Variants in OSBPL5 observed in about 807,000 individuals in gnomAD.
OSBPL5 encodes the protein oxysterol binding protein like 5.
OSBPL5 carries 71 observed loss-of-function variants against 111.2 expected under a neutral mutation model. That is an observed-to-expected ratio of 0.64 (90% CI 0.53 to 0.78). The LOEUF is 0.78. OSBPL5 is among the 30% of genes least tolerant of loss of function. The pLI is 0.00. For missense variants in OSBPL5, 1,210 were observed against 1,189.3 expected (o/e 1.02, Z -0.26); for synonymous variants, 549 against 513.9 (o/e 1.07, Z -0.93).
In OSBPL5 at chr11:3,107,446, C is replaced by T. The variant is rs370245460; in HGVS notation, c.876G>A (p.Gly292=). The stretch of plus-strand genomic sequence containing the variant: ...AGAATGCATCGTTCTCCAGGGAAGA[C>T]CCGTTCAGTCTGGAAGGTGGATGGT... The part of the protein sequence containing the change: ...HPDQDLFPLN[G]SSLENDAFSD... Residue 292 remains glycine, a synonymous_variant, in exon 9 of 22, where the codon GGG becomes GGA. Coordinates refer to ENST00000263650, the MANE Select transcript of OSBPL5 (RefSeq NM_020896.4). This position sits in a 1 kb window ranked among gnomAD's most constrained non-coding sequence, Gnocchi z 6.1. The T allele has an allele frequency of 6.2e-7, 1 of 1,613,890 alleles. No homozygotes were observed. The highest frequency in any genetic ancestry group is 1.3e-5 in the African/African-American group (1 of 74,926).
rs61736126 is a variant in OSBPL5, at chr11:3,101,685, C to A, written c.1440G>T (p.Pro480=). 1 of 1,613,626 alleles carries A rather than the reference C, an allele frequency of 6.2e-7. No individual in the cohort carries two copies. The highest frequency in any genetic ancestry group is 8.5e-7 in the Non-Finnish European group (1 of 1,179,920). ...TGCTGACGTGGAAGGCAGACACGGG[C>A]GGGTGGTGGGACACCTGCGTGCAGG... ...FYIAEQVSHH[P]PVSAFHVSNR... Residue 480 remains proline, a synonymous_variant, in exon 13 of 22, where the codon CCG becomes CCT. Transcript: ENST00000263650.
chr11:3,090,058 C>T (rs1857005773), intron 20 of OSBPL5, 110 bp from the exon 21 acceptor site: 2 of 749,976 alleles, frequency 2.7e-6, no homozygotes, highest in Non-Finnish European at 2.1e-6. Context: ...CTCGGGCCTC[C>T]ACCCCACCTC....
chr11:3,121,970 G>A lies in OSBPL5; in HGVS notation c.402+27C>T. The A allele has an allele frequency of 6.5e-7, 1 of 1,538,038 alleles. No homozygotes were observed. Among genetic ancestry groups the A allele is most frequent in the Non-Finnish European group, 8.7e-7 (1 of 1,144,234 alleles). On this transcript the variant is annotated intron_variant, in intron 5 of 21. Coordinates refer to ENST00000263650, the MANE Select transcript of OSBPL5 (RefSeq NM_020896.4). This position sits in a 1 kb window ranked among gnomAD's most constrained non-coding sequence, Gnocchi z 4.3. ...CAGCAGCACGCTGACCCGTGTCCTG[G>A]GTGGCCGGAGGCCGGGCATCACCTA...
intron 7 of OSBPL5, among the ~76,000 whole-genome samples, chr11:3,112,137 GTGTT>G (rs1296913814): frequency 7.4e-6 from 1 of 135,088 alleles, no homozygotes; most frequent in Non-Finnish European, 1.6e-5. Context: ...GCATATGTGT[GTGTT>G]TGTATTTAAG....
intron 3 of OSBPL5, among the ~76,000 whole-genome samples, chr11:3,123,162 A>G (rs1858483406): frequency 6.6e-6 from 1 of 152,154 alleles, no homozygotes. Context: ...CAGTCCCAAT[A>G]TCTTGGAGGC....
At chr11:3,157,178 G>C (rs1846794654) in intron 1 of OSBPL5, among the ~76,000 whole-genome samples, 1 of 152,230 alleles carries the variant, frequency 6.6e-6, no homozygotes. Flanking sequence ...CATGGGAGCA[G>C]ACTCACGGCC....
chr11:3,097,004 G>GGGGGAAGACGGGAGGAGGAGAAGAGGAA (rs1857284739), intron 14 of OSBPL5, among the ~76,000 whole-genome samples: 1 of 30,950 alleles, frequency 3.2e-5, no homozygotes, highest in African/African-American at 1.2e-4. Flanking sequence ...GAAGAGGAAA[G>GGGGGAAGACGGGAGGAGGAGAAGAGGAA]AGGGGGAAGA....
rs1411355861 is a variant in OSBPL5 at position 3,101,635 on chromosome 11, C to A, written c.1490G>T (p.Ser497Ile). Residue 497 changes from serine (S) to isoleucine (I), a missense_variant, in exon 13 of 22, where the codon AGT becomes ATT. Coordinates refer to ENST00000263650, the MANE Select transcript of OSBPL5 (RefSeq NM_020896.4). The stretch of plus-strand genomic sequence containing the variant: ...CCTGGACTTGGCTGTGATGCTGCCA[C>A]TGATGCAGAAGCCGTCCTTCCGGTT... ...VSNRKDGFCI[S>I]GSITAKSRFY... is the part of the protein sequence containing the mutation. 6.2e-7 allele frequency: 1 copy of A among 1,613,868 alleles called. No individual in the cohort carries two copies. The highest frequency in any genetic ancestry group is 1.3e-5 in the African/African-American group (1 of 74,938).
intron 1 of OSBPL5, among the ~76,000 whole-genome samples, chr11:3,156,003 T>C (rs1349891199): frequency 6.6e-6 from 1 of 152,182 alleles, no homozygotes; most frequent in Non-Finnish European, 1.5e-5. Context: ...CTGGCAAACA[T>C]CTATGTATGG....
intron 3 of OSBPL5, among the ~76,000 whole-genome samples, chr11:3,125,882 T>G (rs1056920121): frequency 6.6e-6 from 1 of 151,604 alleles, no homozygotes; most frequent in African/African-American, 2.4e-5. Context: ...CTCGGGAGGC[T>G]GAGGCAGGAG....
At chr11:3,151,307 G>A (rs1386504174) in intron 1 of OSBPL5, among the ~76,000 whole-genome samples, 1 of 152,162 alleles carries the variant, frequency 6.6e-6, no homozygotes, top group Non-Finnish European at 1.5e-5. Context: ...CTAGTTTGTG[G>A]TCATTTGTTA....
At chr11:3,150,236 G>C (rs1297810612) in intron 1 of OSBPL5, among the ~76,000 whole-genome samples, 1 of 152,204 alleles carries the variant, frequency 6.6e-6, no homozygotes, top group African/African-American at 2.4e-5. Flanking sequence ...GCCCTCGGGA[G>C]CCAGGGTCCC....
intron 5 of OSBPL5, among the ~76,000 whole-genome samples, 190 bp from the exon 6 acceptor site, chr11:3,120,814 G>A (rs1295277128): frequency 6.6e-6 from 1 of 152,210 alleles, no homozygotes; most frequent in Non-Finnish European, 1.5e-5. Flanking sequence ...GATGTCCTGT[G>A]TCTATCGTGT....
At chr11:3,102,330 G>C (rs370931862) in intron 11 of OSBPL5, 49 bp from the exon 12 acceptor site, 2 of 1,521,338 alleles carry the variant, frequency 1.3e-6, no homozygotes, top group South Asian at 2.4e-5. Context: ...TAAGAGGTCC[G>C]CTGTGCAGAG....
chr11:3,152,786 C>T (rs995138165), intron 1 of OSBPL5, among the ~76,000 whole-genome samples: 7 of 152,120 alleles, frequency 4.6e-5, no homozygotes, highest in African/African-American at 9.7e-5. Context: ...GGATGTTGAG[C>T]GAGAAACAGA....
chr11:3,139,110 A>G (rs759788067), intron 1 of OSBPL5, among the ~76,000 whole-genome samples: 41 of 152,252 alleles, frequency 2.7e-4, no homozygotes, highest in Non-Finnish European at 1.6e-4. Context: ...AAAACCCTCC[A>G]GCCTCAGTCT....
chr11:3,119,724 G>T, intron 6 of OSBPL5, 93 bp from the exon 7 acceptor site: 2 of 1,222,548 alleles, frequency 1.6e-6, no homozygotes, highest in Non-Finnish European at 2.2e-6. Flanking sequence ...CCACACCTGG[G>T]ACCACCTGGA....
At chr11:3,155,955 G>T (rs2134554705) in intron 1 of OSBPL5, among the ~76,000 whole-genome samples, 1 of 152,364 alleles carries the variant, frequency 6.6e-6, no homozygotes, top group South Asian at 2.1e-4. Flanking sequence ...CTGTGTTTCT[G>T]GTTTTAATTA....
intron 1 of OSBPL5, among the ~76,000 whole-genome samples, chr11:3,132,480 C>G (rs986870014): frequency 6.6e-6 from 1 of 152,078 alleles, no homozygotes; most frequent in Non-Finnish European, 1.5e-5. Flanking sequence ...TTTTAAAGGC[C>G]ACATCTCCCC....
Sources: allele counts gnomAD v4.1 joint callset (sites outside exome capture counted in the v4.1 genomes callset), GRCh38; gene constraint gnomAD v4.1.1; non-coding constraint Gnocchi (gnomAD v3.1); transcripts MANE v1.5; gene names NCBI Gene and HGNC (gene_info 2026-07-23, HGNC 2026-07-21).